MRTFA: variants seen among roughly 807,000 people sequenced by gnomAD.
The protein encoded by MRTFA is myocardin related transcription factor A.
In MRTFA, 20 loss-of-function variants were observed where a neutral mutation model predicts 83.5. The ratio of observed to expected loss-of-function variants is 0.24; its 90% CI spans 0.17 to 0.35. The LOEUF is 0.35. MRTFA is among the 10% of genes least tolerant of loss of function. The pLI is 1.00. For missense variants in MRTFA, 1,200 were observed against 1,224.7 expected (o/e 0.98, Z 0.30); for synonymous variants, 659 against 541.2 (o/e 1.22, Z -3.02).
chr22:40,445,624 C>T (rs982819185), intron 4 of MRTFA, among the ~76,000 whole-genome samples: 1 of 152,168 alleles, frequency 6.6e-6, no homozygotes, highest in Non-Finnish European at 1.5e-5. Flanking sequence ...TCTCGGCTCA[C>T]TGCAACCTCC....
intron 7 of MRTFA, among the ~76,000 whole-genome samples, chr22:40,426,614 T>C (rs769839938): frequency 3.3e-5 from 5 of 152,168 alleles, no homozygotes; most frequent in Admixed American, 6.5e-5. Flanking sequence ...CTGCCCATGC[T>C]GTTCCCTCTT....
intron 4 of MRTFA, among the ~76,000 whole-genome samples, chr22:40,461,948 C>T (rs1291873383): frequency 1.3e-5 from 2 of 152,312 alleles, no homozygotes; most frequent in East Asian, 3.9e-4. Flanking sequence ...TGATGATCTC[C>T]AAACACACCA....
chr22:40,608,150 G>A (rs1309501555), intron 1 of MRTFA, among the ~76,000 whole-genome samples: 1 of 151,992 alleles, frequency 6.6e-6, no homozygotes, highest in Admixed American at 6.6e-5. Flanking sequence ...TCAGACTCCC[G>A]AGTAGTTGGG....
intron 3 of MRTFA, among the ~76,000 whole-genome samples, chr22:40,490,408 G>T (rs1569294061): frequency 6.6e-6 from 1 of 152,044 alleles, no homozygotes; most frequent in East Asian, 1.9e-4. Context: ...AGACCATCCT[G>T]GCTAATACGT....
chr22:40,583,994 G>T (rs908255752), intron 2 of MRTFA, among the ~76,000 whole-genome samples: 3 of 152,108 alleles, frequency 2.0e-5, no homozygotes, highest in African/African-American at 4.8e-5. Context: ...ATAGTACTTT[G>T]TATGTCCAGA....
intron 4 of MRTFA, among the ~76,000 whole-genome samples, chr22:40,461,716 G>A (rs531560666): frequency 1.3e-4 from 19 of 151,556 alleles, no homozygotes; most frequent in East Asian, 7.8e-4. Context: ...GGAGAATGGC[G>A]TGAACCCGGG....
intron 2 of MRTFA, among the ~76,000 whole-genome samples, chr22:40,562,098 T>C (rs952960942): frequency 4.0e-5 from 6 of 151,786 alleles, no homozygotes; most frequent in African/African-American, 1.5e-4. Flanking sequence ...GCACCTGTAG[T>C]CCCAGCTACT....
At chr22:40,463,980 TTA>T (rs1486078623) in intron 3 of MRTFA, among the ~76,000 whole-genome samples, 1 of 151,974 alleles carries the variant, frequency 6.6e-6, no homozygotes, top group African/African-American at 2.4e-5. Context: ...ATGAAAAAAC[TTA>T]ATAGGGATTT....
chr22:40,624,611 G>C (rs1233289867), intron 1 of MRTFA, among the ~76,000 whole-genome samples: 1 of 152,042 alleles, frequency 6.6e-6, no homozygotes, highest in Non-Finnish European at 1.5e-5. Context: ...GTAAAGTTTT[G>C]AGAATCCCTG....
Position 40,411,113 on chromosome 22 carries a change from AAGG to A in MRTFA, c.*274_*276del, listed in dbSNP as rs1044953669. The A allele has an allele frequency of 1.2e-5, 4 of 345,318 alleles. No homozygotes were observed. Among genetic ancestry groups the A allele is most frequent in the African/African-American group, 2.1e-5 (1 of 48,052 alleles). 21.4% of individuals were successfully genotyped at this position (345,318 alleles called of 1,614,324 possible). ...CAGACAGTGCCCCCTGACCTCAAAA[AAGG>A]AGGTCAAGCTGAAATGGCCCTGACC... is the stretch of plus-strand genomic sequence containing the variant. On this transcript the variant is annotated 3_prime_UTR_variant, in exon 15 of 15. Coordinates refer to ENST00000355630, the MANE Select transcript of MRTFA (RefSeq NM_020831.6).
chr22:40,419,037 A>G lies in MRTFA; in HGVS notation c.1701T>C (p.Asp567=). The change falls in exon 12 of 15, where the codon GAT becomes GAC. Residue 567 remains aspartate (D), a synonymous_variant. Transcript: ENST00000355630. ...AGGTGTCCCCGGGGGTGGAGTTTTCATCGCCCGTGCTGAGCAGTGAGCGCT... is the reference window on the plus strand; with the variant it reads ...AGGTGTCCCCGGGGGTGGAGTTTTCGTCGCCCGTGCTGAGCAGTGAGCGCT... The G allele has an allele frequency of 6.2e-7, 1 of 1,612,262 alleles. No homozygotes were observed. The highest frequency in any genetic ancestry group is 1.7e-4 in the Middle Eastern group (1 of 6,060).
chr22:40,491,310 C>A (rs1286334438), intron 3 of MRTFA, among the ~76,000 whole-genome samples: 2 of 152,062 alleles, frequency 1.3e-5, no homozygotes, highest in Non-Finnish European at 2.9e-5. Context: ...CCACTGTACT[C>A]CAGCCTGGGC....
Position 40,420,979 on chromosome 22 carries a change from CT to C in MRTFA, c.1048del (p.Arg350GlyfsTer87). On this transcript the variant is annotated frameshift_variant, in exon 10 of 15. Transcript: ENST00000355630. LOFTEE classifies it high-confidence loss of function. ...GGATGAGTCCATGGGGGGTGCCCCC[CT>C]GTCCTGCTTCTGGTCCGGGGGGATG... 1 of 1,611,022 alleles carries C rather than the reference CT, an allele frequency of 6.2e-7. No individual in the cohort carries two copies. The highest frequency in any genetic ancestry group is 8.5e-7 in the Non-Finnish European group (1 of 1,177,762).
At chr22:40,580,212 T>C (rs2055926829) in intron 2 of MRTFA, among the ~76,000 whole-genome samples, 1 of 152,184 alleles carries the variant, frequency 6.6e-6, no homozygotes. Flanking sequence ...CACTTTTCCT[T>C]TTTTGAGACA....
chr22:40,574,440 A>ATTATTTT (rs764460675), intron 2 of MRTFA, among the ~76,000 whole-genome samples: 11,566 of 147,328 alleles, frequency 0.079, 577 homozygotes, highest in East Asian at 0.19. Context: ...TATTATTATT[A>ATTATTTT]TTTTTTTTTT....
At chr22:40,422,338 G>A (rs560041272) in intron 9 of MRTFA, among the ~76,000 whole-genome samples, 26 of 152,304 alleles carry the variant, frequency 1.7e-4, no homozygotes, top group Non-Finnish European at 3.1e-4. Context: ...TGAGGTGACT[G>A]AAGAGATGTG....
intron 4 of MRTFA, among the ~76,000 whole-genome samples, chr22:40,449,665 G>A (rs958994392): frequency 6.6e-6 from 1 of 152,200 alleles, no homozygotes; most frequent in African/African-American, 2.4e-5. Context: ...AATACCAGGT[G>A]CTGATTAAAA....
At chr22:40,445,215 G>C (rs1366720927) in intron 4 of MRTFA, among the ~76,000 whole-genome samples, 2 of 152,042 alleles carry the variant, frequency 1.3e-5, no homozygotes, top group African/African-American at 4.8e-5. Flanking sequence ...AACAAATAAT[G>C]AACAGCTTTA....
chr22:40,448,839 G>A (rs978937034), intron 4 of MRTFA, among the ~76,000 whole-genome samples: 2 of 152,158 alleles, frequency 1.3e-5, no homozygotes, highest in Non-Finnish European at 2.9e-5. Context: ...TGCCAAAAAT[G>A]ACCAGCGATA....
Sources: allele counts gnomAD v4.1 joint callset (sites outside exome capture counted in the v4.1 genomes callset), GRCh38; gene constraint gnomAD v4.1.1; transcripts MANE v1.5; gene names NCBI Gene and HGNC (gene_info 2026-07-23, HGNC 2026-07-21).